CALN1: variants seen among roughly 807,000 people sequenced by gnomAD.
CALN1 encodes calneuron 1.
In CALN1, 17 loss-of-function variants were observed where a neutral mutation model predicts 30.6. The ratio of observed to expected loss-of-function variants is 0.56; its 90% CI spans 0.38 to 0.83. The LOEUF is 0.83. CALN1 is among the 40% of genes least tolerant of loss of function. The pLI, the probability that CALN1 is intolerant of heterozygous loss-of-function variation, is 0.00. For missense variants in CALN1, 291 were observed against 354.9 expected, an observed-to-expected ratio of 0.82 and a Z score of 1.45; for synonymous variants, 156 against 131.4, an observed-to-expected ratio of 1.19 and a Z score of -1.28.
intron 2 of CALN1, among the ~76,000 whole-genome samples, chr7:72,397,710 T>TCACACACACACACACACACA (rs1286894513): frequency 2.8e-4 from 16 of 57,296 alleles, no homozygotes; most frequent in South Asian, 6.7e-4. Flanking sequence ...GCACCCATTC[T>TCACACACACACACACACACA]CTCTCACACA....
intron 4 of CALN1, among the ~76,000 whole-genome samples, chr7:72,050,567 A>G (rs1458792090): frequency 1.7e-4 from 26 of 152,234 alleles, no homozygotes; most frequent in Admixed American, 1.7e-3. Context: ...CCGAAATGGA[A>G]AACACTCTCC....
intron 3 of CALN1, among the ~76,000 whole-genome samples, chr7:72,165,294 G>A (rs1257862008): frequency 6.6e-6 from 1 of 152,036 alleles, no homozygotes; most frequent in Non-Finnish European, 1.5e-5. Flanking sequence ...CATGGTGACT[G>A]GCTTCTGTAA....
intron 3 of CALN1, among the ~76,000 whole-genome samples, chr7:72,237,362 T>C (rs1351894633): frequency 6.6e-6 from 1 of 152,128 alleles, no homozygotes; most frequent in African/African-American, 2.4e-5. Flanking sequence ...CACAAACATC[T>C]GCTGCTCTGA....
At chr7:72,355,151 G>A (rs180840536) in intron 2 of CALN1, among the ~76,000 whole-genome samples, 3 of 152,054 alleles carry the variant, frequency 2.0e-5, no homozygotes, top group African/African-American at 4.8e-5. Flanking sequence ...CAAGTGATCC[G>A]CCCACCTCGG....
chr7:72,397,268 A>G (rs570984173), intron 2 of CALN1, among the ~76,000 whole-genome samples: 1 of 152,224 alleles, frequency 6.6e-6, no homozygotes, highest in African/African-American at 2.4e-5. Flanking sequence ...ACAATAGAAA[A>G]CAGCTGTCAG....
chr7:72,155,464 C>G (rs961514716), intron 3 of CALN1, among the ~76,000 whole-genome samples: 1 of 150,782 alleles, frequency 6.6e-6, no homozygotes, highest in Non-Finnish European at 1.5e-5. Context: ...TGCACTCCAG[C>G]CTGGGCGACA....
rs1031551970 is a variant in CALN1, at chr7:72,338,470, A to AGAGTGTGTGTGTGTGTGTGTGT, written c.120-59661_120-59660insACACACACACACACACACACTC. On this transcript the variant is annotated intron_variant, in intron 2 of 6. Coordinates refer to ENST00000395275, the MANE Select transcript of CALN1 (RefSeq NM_031468.4). ...GGGCGTTTTTGTCAGCCAGCAGCAC[A>AGAGTGTGTGTGTGTGTGTGTGT]GTGTGTGTGTGTGTGTGTGTGTGTG... Among the ~76,000 whole-genome samples the AGAGTGTGTGTGTGTGTGTGTGT allele has an allele frequency of 2.2e-3, 167 of 74,792 alleles. 8 individuals are homozygous for AGAGTGTGTGTGTGTGTGTGTGT. The highest frequency in any genetic ancestry group is 3.4e-3 in the East Asian group (8 of 2,386). The allele number at this position is 74,792 out of a possible 152,430, so 49.1% of individuals were successfully genotyped here. A position where few individuals can be genotyped will look rare whatever the true frequency, so the allele number is the denominator to read the frequency against.
chr7:72,318,131 C>A (rs6968408), intron 2 of CALN1, among the ~76,000 whole-genome samples: 28,246 of 152,058 alleles, frequency 0.19, 3,637 homozygotes, highest in East Asian at 0.41. Flanking sequence ...ATCCCTATTT[C>A]AAAGGACTCT....
At chr7:72,298,738 T>A (rs372273408) in intron 2 of CALN1, among the ~76,000 whole-genome samples, 2 of 151,124 alleles carry the variant, frequency 1.3e-5, no homozygotes, top group Non-Finnish European at 2.9e-5. Context: ...GACTGAATTA[T>A]GGGGGCGGGT....
Position 72,301,151 on chromosome 7 carries a change from A to C in CALN1, c.120-22341T>G, listed in dbSNP as rs116788417. 2.7e-3 allele frequency among the ~76,000 whole-genome samples: 411 copies of C among 152,270 alleles called. 2 individuals are homozygous for C. Among genetic ancestry groups the C allele is most frequent in the African/African-American group, 9.6e-3 (397 of 41,554 alleles). ...GCCAGGCTGAAAGCATGCAAACTGG[A>C]AAGAAAGTGGAGGAGGGAGAAGCGC... On this transcript the variant is annotated intron_variant, in intron 2 of 6. Transcript: ENST00000395275.
At chr7:72,415,505 G>C (rs145154519), upstream of CALN1, among the ~76,000 whole-genome samples, 1 of 152,366 alleles carries the variant, frequency 6.6e-6, no homozygotes, top group African/African-American at 2.4e-5. Context: ...TGGAAATCCA[G>C]ATTGTTAATA....
At chr7:72,248,137 G>C (rs1372387995) in intron 3 of CALN1, among the ~76,000 whole-genome samples, 1 of 152,068 alleles carries the variant, frequency 6.6e-6, no homozygotes, top group Non-Finnish European at 1.5e-5. Flanking sequence ...TTTTTTAGAT[G>C]GAGTTTTGCT....
intron 4 of CALN1, among the ~76,000 whole-genome samples, chr7:72,100,679 G>T (rs1235484506): frequency 1.3e-5 from 2 of 151,764 alleles, no homozygotes; most frequent in African/African-American, 4.8e-5. Context: ...AACTAGCCGG[G>T]CGTGGTGGCG....
chr7:72,270,818 A>C (rs947541807), intron 3 of CALN1, among the ~76,000 whole-genome samples: 1 of 152,210 alleles, frequency 6.6e-6, no homozygotes, highest in African/African-American at 2.4e-5. Flanking sequence ...GAATAACCTA[A>C]CTAAGTGTGC....
chr7:72,500,484 TGGCCA>T, the CALN1 span, among the ~76,000 whole-genome samples: 2 of 151,556 alleles, frequency 1.3e-5, no homozygotes, highest in South Asian at 4.2e-4. Context: ...TTTCACCTGT[TGGCCA>T]GGCTGGTCTC....
At chr7:71,968,779 T>A (rs1384877328) in intron 5 of CALN1, among the ~76,000 whole-genome samples, 1 of 148,178 alleles carries the variant, frequency 6.7e-6, no homozygotes, top group Non-Finnish European at 1.5e-5. Flanking sequence ...CTGTGGTGGC[T>A]CACACCTGTA....
At chr7:72,308,959 A>G (rs972003433) in intron 2 of CALN1, among the ~76,000 whole-genome samples, 4 of 152,206 alleles carry the variant, frequency 2.6e-5, no homozygotes, top group African/African-American at 9.6e-5. Flanking sequence ...AGGGCTCACT[A>G]TGTGCTAGGC....
At position 71,812,476 on chromosome 7, in the gene CALN1, C is replaced by T. The variant is rs181807226; in HGVS notation, c.502-1984G>A. ...TGCCTGTGATACCTTGGAGGACAGG[C>T]AGATATTGAATCCGAGTCCAGTGGT... On this transcript the variant is annotated intron_variant, in intron 5 of 6. Transcript: ENST00000395275. 3.6e-3 allele frequency among the ~76,000 whole-genome samples: 555 copies of T among 152,250 alleles called. 4 individuals carry two copies. The highest frequency in any genetic ancestry group is 0.012 in the African/African-American group (516 of 41,544).
intron 3 of CALN1, among the ~76,000 whole-genome samples, chr7:72,222,336 C>T (rs566430548): frequency 1.3e-5 from 2 of 152,130 alleles, no homozygotes; most frequent in Admixed American, 1.3e-4. Context: ...TGGCTTCTGG[C>T]CAGGCCTCAG....
Sources: allele counts gnomAD v4.1 joint callset (sites outside exome capture counted in the v4.1 genomes callset), GRCh38; gene constraint gnomAD v4.1.1; transcripts MANE v1.5; gene names NCBI Gene and HGNC (gene_info 2026-07-23, HGNC 2026-07-21).